DLG2: variants seen among roughly 807,000 people sequenced by gnomAD.
The protein encoded by DLG2 is discs large MAGUK scaffold protein 2, also known as disks large homolog 2.
A neutral mutation model predicts 132.5 loss-of-function variants in DLG2; 45 were observed. The observed-to-expected ratio is 0.34, with a 90% CI of 0.27 to 0.44. DLG2 has a LOEUF of 0.44. DLG2 is among the 20% of genes least tolerant of loss of function. The pLI is 1.00. For synonymous variants in DLG2, 424 were observed against 419.6 expected, an observed-to-expected ratio of 1.01 and a Z score of -0.13; for missense variants, 1,045 against 1,196.9, an observed-to-expected ratio of 0.87 and a Z score of 1.87.
rs11233968 is a variant in DLG2, at chr11:84,259,087, C to A, written c.520-7796G>T. Among the ~76,000 whole-genome samples, 15 of 152,076 alleles carry A rather than the reference C, an allele frequency of 9.9e-5. No homozygotes were observed. In the East Asian group the frequency reaches 2.9e-3, roughly 30 times the overall value. ...AGGAGTTTGAGACCAGCCTGGCCAA[C>A]AGGGTGAAACCCTGTCTCTACTAAA... is the stretch of plus-strand genomic sequence containing the variant. On this transcript the variant is annotated intron_variant, in intron 7 of 27. Coordinates refer to ENST00000376104, the MANE Select transcript of DLG2 (RefSeq NM_001142699.3).
intron 4 of DLG2, among the ~76,000 whole-genome samples, chr11:85,204,659 T>C (rs2081733888): frequency 2.0e-5 from 3 of 152,132 alleles, no homozygotes; most frequent in Admixed American, 6.6e-5. Flanking sequence ...ATCAATGACA[T>C]TCTTCACATA....
chr11:84,948,513 T>C (rs1329892356), intron 6 of DLG2, among the ~76,000 whole-genome samples: 1 of 152,224 alleles, frequency 6.6e-6, no homozygotes, highest in Non-Finnish European at 1.5e-5. Flanking sequence ...AAGTGCTCTG[T>C]TTTCCAATGA....
chr11:85,444,285 T>G (rs1483552465), intron 3 of DLG2, among the ~76,000 whole-genome samples: 3 of 152,062 alleles, frequency 2.0e-5, no homozygotes, highest in Non-Finnish European at 4.4e-5. Context: ...TGAACAGGGG[T>G]AGGAATGCCA....
At chr11:83,773,950 G>C (rs2094491507) in intron 18 of DLG2, among the ~76,000 whole-genome samples, 2 of 152,148 alleles carry the variant, frequency 1.3e-5, no homozygotes, top group South Asian at 4.1e-4. Flanking sequence ...CTTGCCTTCT[G>C]ATAAACAGCT....
intron 6 of DLG2, among the ~76,000 whole-genome samples, chr11:84,729,483 G>A (rs1029121133): frequency 3.3e-5 from 5 of 152,204 alleles, no homozygotes; most frequent in Non-Finnish European, 5.9e-5. Context: ...TTGCTGAAGC[G>A]TGTTTTACTT....
chr11:83,831,888 A>G (rs2054635814), intron 17 of DLG2, among the ~76,000 whole-genome samples: 1 of 152,194 alleles, frequency 6.6e-6, no homozygotes, highest in Admixed American at 6.5e-5. Flanking sequence ...AAATATTTGA[A>G]TAAGTTAAAG....
intron 3 of DLG2, among the ~76,000 whole-genome samples, chr11:85,527,411 T>C (rs1598285875): frequency 6.6e-6 from 1 of 152,262 alleles, no homozygotes. Context: ...ATGTTGTCAT[T>C]GTTCAACTCC....
chr11:84,942,081 T>C (rs2049513722), intron 6 of DLG2, among the ~76,000 whole-genome samples: 1 of 152,156 alleles, frequency 6.6e-6, no homozygotes, highest in Non-Finnish European at 1.5e-5. Flanking sequence ...TGAACTTCGG[T>C]GGTATCAGTT....
rs79249524 is a variant in DLG2 at position 85,050,102 on chromosome 11, C to A, written c.357+61559G>T. Among the ~76,000 whole-genome samples the A allele has an allele frequency of 2.2e-5, 3 of 133,712 alleles. No homozygotes were observed. In the South Asian group the frequency reaches 7.9e-4, roughly 35 times the overall value. 87.7% of individuals were successfully genotyped at this position (133,712 alleles called of 152,430 possible). On this transcript the variant is annotated intron_variant, in intron 6 of 27. Transcript: ENST00000376104. Reference sequence around the variant, plus strand: ...AACTCCAACCTTCCCAGGAAGAGAACTGACCCACTGTGTCATCACACACAC... The same window carrying A: ...AACTCCAACCTTCCCAGGAAGAGAAATGACCCACTGTGTCATCACACACAC...
At chr11:85,471,266 T>C (rs566273385) in intron 3 of DLG2, among the ~76,000 whole-genome samples, 2 of 152,312 alleles carry the variant, frequency 1.3e-5, no homozygotes, top group East Asian at 3.9e-4. Context: ...CTTCAGAAAC[T>C]TCATGTTTAT....
chr11:83,913,316 A>C (rs1166152465), intron 15 of DLG2, among the ~76,000 whole-genome samples: 1 of 152,082 alleles, frequency 6.6e-6, no homozygotes, highest in African/African-American at 2.4e-5. Flanking sequence ...AGGATCACCA[A>C]ATACAGGGCT....
intron 3 of DLG2, among the ~76,000 whole-genome samples, chr11:85,565,644 A>G (rs554152114): frequency 1.3e-4 from 20 of 152,086 alleles, no homozygotes; most frequent in Non-Finnish European, 2.9e-4. Context: ...CACTTAGCAT[A>G]ATGTTTTCAA....
At chr11:85,065,367 G>A (rs1248689319) in intron 6 of DLG2, among the ~76,000 whole-genome samples, 1 of 151,156 alleles carries the variant, frequency 6.6e-6, no homozygotes, top group East Asian at 2.0e-4. Context: ...CCAGGTTTGG[G>A]AATCTCTCAT....
At chr11:83,681,689 A>G (rs1161124061) in intron 18 of DLG2, 1 of 152,170 alleles carries the variant, frequency 6.6e-6, no homozygotes, top group East Asian at 1.9e-4. Context: ...TGTTCACACA[A>G]AAGATTGCAA....
intron 18 of DLG2, among the ~76,000 whole-genome samples, chr11:83,712,986 G>GA (rs1262159265): frequency 2.6e-5 from 4 of 151,024 alleles, no homozygotes; most frequent in Admixed American, 1.3e-4. Flanking sequence ...GAAAAAAAAA[G>GA]AAAGAAAATA....
chr11:85,025,381 C>T (rs904309544), intron 6 of DLG2, among the ~76,000 whole-genome samples: 2 of 152,080 alleles, frequency 1.3e-5, no homozygotes, highest in African/African-American at 4.8e-5. Context: ...TGACTTTCCT[C>T]GATGAAATGT....
At chr11:83,475,476 G>A (rs2092515814) in intron 22 of DLG2, among the ~76,000 whole-genome samples, 1 of 147,926 alleles carries the variant, frequency 6.8e-6, no homozygotes, top group African/African-American at 2.5e-5. Flanking sequence ...GTAAGTAGTG[G>A]AGTCAAGATT....
intron 2 of DLG2, among the ~76,000 whole-genome samples, chr11:85,606,423 T>TG (rs1440580020): frequency 1.3e-5 from 2 of 152,174 alleles, no homozygotes; most frequent in Non-Finnish European, 2.9e-5. Context: ...CAGTGCTCTG[T>TG]GTCTAGCTAA....
At chr11:83,941,490 G>T (rs1330262279) in intron 14 of DLG2, among the ~76,000 whole-genome samples, 2 of 151,926 alleles carry the variant, frequency 1.3e-5, no homozygotes, top group Non-Finnish European at 2.9e-5. Flanking sequence ...CTGCCTCCTG[G>T]GTTCAAGCCA....
Sources: gnomAD v4.1 joint callset for allele counts (sites outside exome capture counted in the v4.1 genomes callset) on GRCh38, gnomAD v4.1.1 for gene constraint, MANE v1.5 for transcripts, NCBI Gene and HGNC (gene_info 2026-07-23, HGNC 2026-07-21) for gene names.